BICC1: variants seen among roughly 807,000 people sequenced by gnomAD.
BICC1 encodes protein bicaudal C homolog 1.
In BICC1, 43 loss-of-function variants were observed where a neutral mutation model predicts 111.0. The ratio of observed to expected loss-of-function variants is 0.39; its 90% CI spans 0.30 to 0.50. The LOEUF (loss-of-function observed/expected upper bound fraction) is 0.50, where lower values mean the gene tolerates loss of function less well. BICC1 is among the 20% of genes least tolerant of loss of function. The pLI is 0.88. For missense variants in BICC1, 1,091 were observed against 1,203.2 expected (o/e 0.91, Z 1.38); for synonymous variants, 467 against 434.4 (o/e 1.07, Z -0.93).
intron 3 of BICC1, among the ~76,000 whole-genome samples, chr10:58,717,867 G>C (rs1840797330): frequency 6.6e-6 from 1 of 152,126 alleles, no homozygotes; most frequent in Non-Finnish European, 1.5e-5. Context: ...TCTGGAAAGA[G>C]AAACAATTGT....
intron 2 of BICC1, among the ~76,000 whole-genome samples, chr10:58,628,145 T>C (rs1415264739): frequency 6.6e-6 from 1 of 152,206 alleles, no homozygotes; most frequent in East Asian, 1.9e-4. Flanking sequence ...GTTTTTATTT[T>C]CTTTCTGTAC....
At chr10:58,784,090 T>C (rs1842947888) in intron 3 of BICC1, among the ~76,000 whole-genome samples, 1 of 152,216 alleles carries the variant, frequency 6.6e-6, no homozygotes, top group Non-Finnish European at 1.5e-5. Context: ...TCATAGCTGG[T>C]ACTTCCTCAT....
At position 58,741,996 on chromosome 10, in the gene BICC1, G is replaced by A. The variant is rs147834279; in HGVS notation, c.307+39853G>A. On this transcript the variant is annotated intron_variant, in intron 3 of 20. Coordinates refer to ENST00000373886, the MANE Select transcript of BICC1 (RefSeq NM_001080512.3). ...TTAAGATACTTGGTGGAGATGCCTC[G>A]TAGGCAGTTGGAATATCAAAAAATG... Among the ~76,000 whole-genome samples the A allele has an allele frequency of 5.3e-3, 803 of 152,274 alleles. 32 individuals are homozygous for A. Among genetic ancestry groups the A allele is most frequent in the Admixed American group, 0.044 (679 of 15,292 alleles).
At chr10:58,703,444 G>A (rs1409208297) in intron 3 of BICC1, among the ~76,000 whole-genome samples, 2 of 152,096 alleles carry the variant, frequency 1.3e-5, no homozygotes, top group African/African-American at 2.4e-5. Context: ...TTACAGGTGT[G>A]AGCCACCGCA....
intron 1 of BICC1, among the ~76,000 whole-genome samples, chr10:58,545,289 A>C (rs919110385): frequency 3.9e-5 from 6 of 152,150 alleles, no homozygotes; most frequent in Non-Finnish European, 8.8e-5. Flanking sequence ...TTTCCCTAAA[A>C]ATAAAGAAAA....
intron 2 of BICC1, among the ~76,000 whole-genome samples, chr10:58,653,466 T>A (rs1426708464): frequency 6.6e-6 from 1 of 152,134 alleles, no homozygotes; most frequent in Non-Finnish European, 1.5e-5. Flanking sequence ...TAAAGCCCAT[T>A]TCATAAGCAT....
chr10:58,561,820 G>A (rs183245837), intron 1 of BICC1, among the ~76,000 whole-genome samples: 311 of 152,158 alleles, frequency 2.0e-3, no homozygotes, highest in African/African-American at 7.1e-3. Context: ...TGCTCTAGTG[G>A]TAATGGATTT....
At chr10:58,790,489 A>G (rs1210660092) in intron 8 of BICC1, among the ~76,000 whole-genome samples, 2 of 152,200 alleles carry the variant, frequency 1.3e-5, no homozygotes, top group South Asian at 2.1e-4. Context: ...CTACTTTACT[A>G]CTTCTAATTT....
At chr10:58,539,076 A>T (rs1417120131) in intron 1 of BICC1, among the ~76,000 whole-genome samples, 1 of 151,788 alleles carries the variant, frequency 6.6e-6, no homozygotes, top group East Asian at 1.9e-4. Context: ...GGAAATCAAT[A>T]TATAAAAAAG....
chr10:58,558,418 C>T (rs1207245195), intron 1 of BICC1, among the ~76,000 whole-genome samples: 9 of 152,078 alleles, frequency 5.9e-5, no homozygotes, highest in East Asian at 1.9e-4. Context: ...ATGCTTTTCG[C>T]GTCACAATCT....
intron 2 of BICC1, among the ~76,000 whole-genome samples, chr10:58,668,319 A>G (rs1186868070): frequency 1.3e-5 from 2 of 152,060 alleles, no homozygotes; most frequent in African/African-American, 4.8e-5. Context: ...TGAGCTTTTG[A>G]TCCTCACTGA....
intron 3 of BICC1, among the ~76,000 whole-genome samples, chr10:58,702,794 C>T (rs1279890907): frequency 6.6e-6 from 1 of 152,166 alleles, no homozygotes. Context: ...TTAGTCTCAA[C>T]AAACTTTGTG....
chr10:58,745,857 A>G (rs1308653145), intron 3 of BICC1, among the ~76,000 whole-genome samples: 1 of 152,034 alleles, frequency 6.6e-6, no homozygotes, highest in African/African-American at 2.4e-5. Flanking sequence ...AAGGGTTAGG[A>G]TGTGGAGATC....
chr10:58,543,556 C>T (rs1843052683), intron 1 of BICC1, among the ~76,000 whole-genome samples: 1 of 152,214 alleles, frequency 6.6e-6, no homozygotes, highest in Non-Finnish European at 1.5e-5. Context: ...GTCACCTAGG[C>T]TAGAGTGCAG....
chr10:58,694,727 G>C (rs1319688754), intron 2 of BICC1, among the ~76,000 whole-genome samples: 1 of 152,130 alleles, frequency 6.6e-6, no homozygotes, highest in Non-Finnish European at 1.5e-5. Context: ...TGGGGGTGGT[G>C]GTGGGGACAC....
chr10:58,783,283 A>G (rs1842927787), intron 3 of BICC1, among the ~76,000 whole-genome samples: 1 of 152,036 alleles, frequency 6.6e-6, no homozygotes, highest in South Asian at 2.1e-4. Flanking sequence ...GCATTCCTGA[A>G]CTCTGAAGCT....
chr10:58,796,713 A>C (rs1843365980), intron 10 of BICC1, among the ~76,000 whole-genome samples, 187 bp downstream of exon 10: 1 of 151,962 alleles, frequency 6.6e-6, no homozygotes. Flanking sequence ...TGGATTTGTT[A>C]CCCAGATTCT....
At chr10:58,751,434 T>C (rs1311742695) in intron 3 of BICC1, among the ~76,000 whole-genome samples, 1 of 152,194 alleles carries the variant, frequency 6.6e-6, no homozygotes, top group Non-Finnish European at 1.5e-5. Flanking sequence ...TTAAAAACTA[T>C]CAGCTGTTAA....
At chr10:58,604,056 C>T (rs1845129741) in intron 1 of BICC1, among the ~76,000 whole-genome samples, 1 of 152,116 alleles carries the variant, frequency 6.6e-6, no homozygotes, top group Admixed American at 6.5e-5. Context: ...CACTGCCTTT[C>T]CATTTGTTTG....
Sources: allele counts gnomAD v4.1 joint callset (sites outside exome capture counted in the v4.1 genomes callset), GRCh38; gene constraint gnomAD v4.1.1; transcripts MANE v1.5; gene names NCBI Gene and HGNC (gene_info 2026-07-23, HGNC 2026-07-21).